Variants in IFFO2 observed in about 807,000 individuals in gnomAD.
The protein encoded by IFFO2 is intermediate filament family orphan 2.
Under a neutral mutation model 53.5 loss-of-function variants are expected in IFFO2, and 19 were observed. The observed-to-expected ratio is 0.36, with a 90% CI of 0.25 to 0.52. The LOEUF (loss-of-function observed/expected upper bound fraction) is 0.52. Ranked by LOEUF, IFFO2 falls within the 20% of genes least tolerant of loss-of-function variation. The pLI, the probability that IFFO2 is intolerant of heterozygous loss-of-function variation, is 0.94. For synonymous variants in IFFO2, 303 were observed against 313.6 expected, an observed-to-expected ratio of 0.97 and a Z score of 0.36; for missense variants, 570 against 727.4, an observed-to-expected ratio of 0.78 and a Z score of 2.49.
At position 18,918,513 on chromosome 1, in the gene IFFO2, G is replaced by T. The variant is rs948465761; in HGVS notation, c.823-11C>A. The T allele has an allele frequency of 3.2e-6, 5 of 1,551,952 alleles. No individual in the cohort carries two copies. The African/African-American group carries it at 6.8e-5, about 21-fold the overall frequency. On this transcript the variant is annotated splice_polypyrimidine_tract_variant and intron_variant, in intron 3 of 8. Coordinates refer to ENST00000455833, the MANE Select transcript of IFFO2 (RefSeq NM_001136265.2). This position sits in a 1 kb window ranked among gnomAD's most constrained non-coding sequence, Gnocchi z 5.2. ...CAGGTCTGTCATGGGCTGCAGGGAG[G>T]ACAGCAGGGTTTACATGAGCGAGGG...
rs886315182 is a variant in IFFO2, at chr1:18,908,483, G to T, written c.*78C>A. ...GTGGTGTGGCTTCGAACCCCACTCC[G>T]AGGGGCCTTCCTGGCCCCATGAGGA... On this transcript the variant is annotated 3_prime_UTR_variant, in exon 9 of 9. Transcript: ENST00000455833. The T allele has an allele frequency of 1.1e-5, 12 of 1,076,886 alleles. No homozygotes were observed. In the African/African-American group the frequency reaches 1.7e-4, roughly 16 times the overall value. The allele number at this position is 1,076,886 out of a possible 1,614,324, so 66.7% of individuals were successfully genotyped here. A position where few individuals can be genotyped will look rare whatever the true frequency, so the allele number is the denominator to read the frequency against.
At position 18,947,240 on chromosome 1, in the gene IFFO2, C is replaced by T. The variant is rs1347405726; in HGVS notation, c.665+8428G>A. Among the ~76,000 whole-genome samples the T allele has an allele frequency of 6.6e-6, 1 of 152,236 alleles. No individual in the cohort carries two copies. The highest frequency in any genetic ancestry group is 1.5e-5 in the Non-Finnish European group (1 of 68,040). ...AAAGCAAAAGCTAGGGATACTCCAG[C>T]CCAGGGCGGAGGCGAGCTCCCAAAC... On this transcript the variant is annotated intron_variant, in intron 1 of 8. Transcript: ENST00000455833. This position sits in a 1 kb window ranked among gnomAD's most constrained non-coding sequence, Gnocchi z 5.0.
chr1:18,913,591 C>T (rs544594371), intron 5 of IFFO2, among the ~76,000 whole-genome samples: 9 of 152,304 alleles, frequency 5.9e-5, no homozygotes, highest in African/African-American at 1.9e-4. Context: ...CCCAAACAAC[C>T]GACTTGGATC....
At chr1:18,912,872 G>A (rs1936061661) in intron 5 of IFFO2, among the ~76,000 whole-genome samples, 1 of 152,230 alleles carries the variant, frequency 6.6e-6, no homozygotes, top group African/African-American at 2.4e-5. Context: ...ACTAGAAGTA[G>A]GTTGACCAAC....
At chr1:18,920,015 A>G (rs1330571029) in intron 2 of IFFO2, among the ~76,000 whole-genome samples, 1 of 152,238 alleles carries the variant, frequency 6.6e-6, no homozygotes, top group Non-Finnish European at 1.5e-5. Context: ...GTATTAAAAG[A>G]GCAGGTTAAT....
intron 8 of IFFO2, 125 bp downstream of exon 8, chr1:18,910,217 G>A (rs761403255): frequency 1.2e-5 from 13 of 1,101,540 alleles, no homozygotes; most frequent in African/African-American, 3.1e-5. Flanking sequence ...ATGGATGGAC[G>A]GACGGACGGA....
intron 5 of IFFO2, among the ~76,000 whole-genome samples, chr1:18,913,523 G>A (rs1936076428): frequency 6.6e-6 from 1 of 152,242 alleles, no homozygotes; most frequent in Non-Finnish European, 1.5e-5. Context: ...GGCTGAGGAG[G>A]AGCCTTGGCC....
At chr1:18,927,172 C>T (rs1936313014) in intron 1 of IFFO2, among the ~76,000 whole-genome samples, 1 of 152,164 alleles carries the variant, frequency 6.6e-6, no homozygotes, top group South Asian at 2.1e-4. Flanking sequence ...ATCCAGCAGA[C>T]CATGGGTGTT....
chr1:18,939,612 T>C (rs577130963), intron 1 of IFFO2, among the ~76,000 whole-genome samples: 6 of 152,298 alleles, frequency 3.9e-5, no homozygotes, highest in African/African-American at 9.6e-5. Flanking sequence ...TGCATGAAGA[T>C]TGTGTCTCAA....
At chr1:18,951,357 C>T (rs1489388885) in intron 1 of IFFO2, among the ~76,000 whole-genome samples, 3 of 152,116 alleles carry the variant, frequency 2.0e-5, no homozygotes, top group African/African-American at 7.2e-5. Flanking sequence ...GGCTCCCAAA[C>T]CACCCTCCAA....
Position 18,955,853 on chromosome 1 carries a change from G to A in IFFO2, c.480C>T (p.Thr160=). ...GCCGCACCTGCGTGTAGCTCCAGAT[G>A]GTCCCGGGCAGGCGGCCGTAGTGCT... ...HPQHYGRLPG[T]IWSYTQVRRT... Residue 160 remains threonine (T), a synonymous_variant, in exon 1 of 9, where the codon ACC becomes ACT. Coordinates refer to ENST00000455833, the MANE Select transcript of IFFO2 (RefSeq NM_001136265.2). 1 of 1,464,286 alleles carries A rather than the reference G, an allele frequency of 6.8e-7. No homozygotes were observed. Among genetic ancestry groups the A allele is most frequent in the Non-Finnish European group, 9.0e-7 (1 of 1,116,250 alleles). The allele number at this position is 1,464,286 out of a possible 1,614,324, so 90.7% of individuals were successfully genotyped here.
chr1:18,932,399 A>G (rs1210565387), intron 1 of IFFO2, among the ~76,000 whole-genome samples: 1 of 152,158 alleles, frequency 6.6e-6, no homozygotes, highest in African/African-American at 2.4e-5. Context: ...GCAGCTTGTC[A>G]TCCAGCCCCC....
At chr1:18,914,637 T>C (rs545842718) in intron 5 of IFFO2, among the ~76,000 whole-genome samples, 2 of 151,562 alleles carry the variant, frequency 1.3e-5, no homozygotes, top group African/African-American at 4.8e-5. Flanking sequence ...GGCAACACGG[T>C]AAAACCCAGT....
chr1:18,933,160 G>T, intron 1 of IFFO2, among the ~76,000 whole-genome samples: 1 of 152,228 alleles, frequency 6.6e-6, no homozygotes, highest in Non-Finnish European at 1.5e-5. Context: ...TCTCGCTGGG[G>T]CAGGACCTCT....
In IFFO2 at chr1:18,947,698, G is replaced by A. The variant is rs968358864; in HGVS notation, c.665+7970C>T. On this transcript the variant is annotated intron_variant, in intron 1 of 8. Transcript: ENST00000455833. This position sits in a 1 kb window ranked among gnomAD's most constrained non-coding sequence, Gnocchi z 5.0. Reference sequence around the variant, plus strand: ...CCATTGAGACCTTCTCCAAAGAGCAGGGGCCTGGACAGGCCTGCTACAGTG... The same window carrying A: ...CCATTGAGACCTTCTCCAAAGAGCAAGGGCCTGGACAGGCCTGCTACAGTG... Among the ~76,000 whole-genome samples the A allele has an allele frequency of 1.3e-5, 2 of 152,228 alleles. No individual in the cohort carries two copies. Among genetic ancestry groups the A allele is most frequent in the African/African-American group, 4.8e-5 (2 of 41,442 alleles).
In IFFO2 at chr1:18,918,614, TC is replaced by T; in HGVS notation, c.823-113del. On this transcript the variant is annotated intron_variant, in intron 3 of 8. Coordinates refer to ENST00000455833, the MANE Select transcript of IFFO2 (RefSeq NM_001136265.2). The surrounding 1 kb of genome is among the most constrained non-coding windows in gnomAD (Gnocchi z 5.2). ...TCAGCAGGGGTGGTGCGGGGAGGCC[TC>T]CAGAGTCCGAGGGTGCCTTGGGCTT... 1 of 1,043,090 alleles carries T rather than the reference TC, an allele frequency of 9.6e-7. No homozygotes were observed. Among genetic ancestry groups the T allele is most frequent in the Non-Finnish European group, 1.3e-6 (1 of 741,306 alleles). The allele number at this position is 1,043,090 out of a possible 1,614,324, so 64.6% of individuals were successfully genotyped here. A position where few individuals can be genotyped will look rare whatever the true frequency, so the allele number is the denominator to read the frequency against.
intron 5 of IFFO2, among the ~76,000 whole-genome samples, chr1:18,913,882 G>A (rs371226934): frequency 6.6e-6 from 1 of 152,228 alleles, no homozygotes; most frequent in Non-Finnish European, 1.5e-5. Context: ...CCAGGCTGGA[G>A]TGCAGTGGTG....
rs1467125145 is a variant in IFFO2, at chr1:18,905,931, A to G, written c.*2630T>C. 1 of 152,242 alleles carries G rather than the reference A, an allele frequency of 6.6e-6. No individual in the cohort carries two copies. Among genetic ancestry groups the G allele is most frequent in the Non-Finnish European group, 1.5e-5 (1 of 68,054 alleles). 9.4% of individuals were successfully genotyped at this position (152,242 alleles called of 1,614,324 possible). On this transcript the variant is annotated 3_prime_UTR_variant, in exon 9 of 9. Coordinates refer to ENST00000455833, the MANE Select transcript of IFFO2 (RefSeq NM_001136265.2). ...TTACAGCTTTACAAAGGATGGACCA[A>G]TTCGTCCCAGCTAGGACTGGTGCTG...
intron 1 of IFFO2, among the ~76,000 whole-genome samples, chr1:18,923,449 T>A (rs1422875129): frequency 6.6e-6 from 1 of 152,202 alleles, no homozygotes; most frequent in Non-Finnish European, 1.5e-5. Context: ...GATCTTTGGC[T>A]TTCCAGACAC....
Sources: gnomAD v4.1 joint callset for allele counts (sites outside exome capture counted in the v4.1 genomes callset) on GRCh38, gnomAD v4.1.1 for gene constraint, Gnocchi (gnomAD v3.1) non-coding constraint, MANE v1.5 for transcripts, NCBI Gene and HGNC (gene_info 2026-07-23, HGNC 2026-07-21) for gene names.